The following VWA3A variants were observed in gnomAD, a reference collection of about 807,000 sequenced individuals.
VWA3A encodes the protein von Willebrand factor A domain-containing protein 3A.
In VWA3A, 134 loss-of-function variants were observed where a neutral mutation model predicts 160.4. The observed-to-expected ratio is 0.84, with a 90% CI of 0.73 to 0.96. The LOEUF is 0.96. VWA3A is among the 40% of genes least tolerant of loss of function. The probability of loss-of-function intolerance (pLI) is 0.00; values close to 1 mark genes in which losing one functional copy is unlikely to be tolerated. For synonymous variants in VWA3A, 476 were observed against 543.4 expected (o/e 0.88, Z 1.72); for missense variants, 1,310 against 1,447.9 (o/e 0.90, Z 1.55).
chr16:22,125,763 C>T (rs2045837277), intron 16 of VWA3A, among the ~76,000 whole-genome samples: 2 of 152,142 alleles, frequency 1.3e-5, no homozygotes, highest in Non-Finnish European at 2.9e-5. Flanking sequence ...ATGAGTCTTA[C>T]AAGTAGTTTA....
intron 16 of VWA3A, among the ~76,000 whole-genome samples, chr16:22,125,243 A>T (rs1365712995): frequency 6.6e-6 from 1 of 151,350 alleles, no homozygotes; most frequent in East Asian, 2.0e-4. Flanking sequence ...TAAATTAGCC[A>T]GGCATGGTGA....
intron 31 of VWA3A, 126 bp from the exon 32 acceptor site, chr16:22,155,441 G>A (rs910765055): frequency 2.5e-6 from 2 of 791,378 alleles, no homozygotes; most frequent in East Asian, 4.9e-5. Context: ...TACAAGCAGA[G>A]GCTCACAAGA....
chr16:22,123,207 A>T lies in VWA3A; in HGVS notation c.1437+42A>T, dbSNP rs745875322. 4.5e-6 allele frequency: 7 copies of T among 1,548,474 alleles called. No homozygotes were observed. In the African/African-American group the frequency reaches 9.5e-5, roughly 21 times the overall value. On this transcript the variant is annotated intron_variant, in intron 15 of 33. Coordinates refer to ENST00000389398, the MANE Select transcript of VWA3A (RefSeq NM_173615.5). ...ATCAGTCAGAAAATGGGGTGCAGAA[A>T]GTGGGGACGGGAGGAAGGTTCCCTG...
chr16:22,153,102 T>C (rs1199761952), intron 31 of VWA3A, among the ~76,000 whole-genome samples: 1 of 152,154 alleles, frequency 6.6e-6, no homozygotes, highest in Non-Finnish European at 1.5e-5. Flanking sequence ...TCCCATCACT[T>C]TGGGAGGCCG....
In VWA3A at chr16:22,100,336, C is replaced by T. The variant is rs2045388990; in HGVS notation, c.350+18C>T. On this transcript the variant is annotated intron_variant, in intron 4 of 33. Coordinates refer to ENST00000389398, the MANE Select transcript of VWA3A (RefSeq NM_173615.5). ...GAAGTGCTGTAAGTCTGAAGCTGTT[C>T]CCCGCACCCCCCACAGCTGCAGTGA... is the stretch of plus-strand genomic sequence containing the variant. 6.4e-7 allele frequency: 1 copy of T among 1,551,574 alleles called. No individual in the cohort carries two copies. Among genetic ancestry groups the T allele is most frequent in the Non-Finnish European group, 8.7e-7 (1 of 1,146,960 alleles).
chr16:22,116,570 C>T (rs2045652315), intron 9 of VWA3A, among the ~76,000 whole-genome samples, 189 bp from the exon 10 acceptor site: 2 of 152,338 alleles, frequency 1.3e-5, no homozygotes, highest in East Asian at 1.9e-4. Context: ...GCCACCCACC[C>T]ATCTGCAGAG....
At position 22,126,164 on chromosome 16, in the gene VWA3A, G is replaced by C. The variant is rs150018505; in HGVS notation, c.1533-14G>C. ...AGATTCGGTTCTCCTCTTAAAGCTC[G>C]TGTTTCCTTTTAGGGTGGTTGTACT... On this transcript the variant is annotated splice_polypyrimidine_tract_variant and intron_variant, in intron 16 of 33. Transcript: ENST00000389398. 1.2e-6 allele frequency: 2 copies of C among 1,612,950 alleles called. No individual in the cohort carries two copies. Among genetic ancestry groups the C allele is most frequent in the Admixed American group, 3.3e-5 (2 of 59,808 alleles).
At chr16:22,115,741 G>A (rs553241081) in intron 9 of VWA3A, among the ~76,000 whole-genome samples, 4 of 151,134 alleles carry the variant, frequency 2.6e-5, no homozygotes, top group Admixed American at 6.6e-5. Flanking sequence ...GGAGGCTGAG[G>A]CAGGAGGATT....
intron 9 of VWA3A, 28 bp downstream of exon 9, chr16:22,115,500 A>AT: frequency 6.3e-7 from 1 of 1,582,458 alleles, no homozygotes; most frequent in Non-Finnish European, 8.6e-7. Flanking sequence ...AGCAGGTGAC[A>AT]TACTACATGA....
At chr16:22,125,283 A>G (rs1288879166) in intron 16 of VWA3A, among the ~76,000 whole-genome samples, 2 of 151,684 alleles carry the variant, frequency 1.3e-5, no homozygotes, top group African/African-American at 4.8e-5. Context: ...CAACTTGGGA[A>G]GCTGAGGCAG....
At chr16:22,116,988 T>C (rs1452898253) in intron 10 of VWA3A, 121 bp downstream of exon 10, 2 of 1,420,016 alleles carry the variant, frequency 1.4e-6, no homozygotes, top group Non-Finnish European at 1.9e-6. Flanking sequence ...CCTGTCCCTG[T>C]GCCTGGTTCT....
At chr16:22,148,552 C>G (rs577890960) in intron 28 of VWA3A, among the ~76,000 whole-genome samples, 13 of 152,308 alleles carry the variant, frequency 8.5e-5, no homozygotes, top group African/African-American at 3.1e-4. Context: ...AGGAGGATCA[C>G]TTGAGCTCAG....
chr16:22,146,784 G>T (rs1481748136), intron 27 of VWA3A, among the ~76,000 whole-genome samples: 1 of 151,186 alleles, frequency 6.6e-6, no homozygotes, highest in Non-Finnish European at 1.5e-5. Flanking sequence ...AAAAAAAAAT[G>T]ACAGTGGGTT....
At chr16:22,118,340 A>G (rs2045678567) in intron 11 of VWA3A, among the ~76,000 whole-genome samples, 6 of 152,140 alleles carry the variant, frequency 3.9e-5, no homozygotes, top group Admixed American at 3.9e-4. Flanking sequence ...TAGTGCGTGT[A>G]AAGTGTTTCT....
chr16:22,150,924 A>C lies in VWA3A; in HGVS notation c.3281+78A>C, dbSNP rs1001604250. 1.4e-5 allele frequency: 21 copies of C among 1,477,012 alleles called. No homozygotes were observed. In the East Asian group the frequency reaches 5.2e-4, roughly 36 times the overall value. The allele number at this position is 1,477,012 out of a possible 1,614,324, so 91.5% of individuals were successfully genotyped here. On this transcript the variant is annotated intron_variant, in intron 30 of 33. Transcript: ENST00000389398. ...CTCAGCAGGGAGATCCAAGCCCCTC[A>C]CCTAATCTAGCTGCTCACTTAGACA...
At chr16:22,100,844 A>G (rs1172756843) in intron 5 of VWA3A, among the ~76,000 whole-genome samples, 2 of 149,424 alleles carry the variant, frequency 1.3e-5, no homozygotes, top group Non-Finnish European at 3.0e-5. Context: ...TCTGTCTCAA[A>G]AAAAAAAAAA....
intron 21 of VWA3A, among the ~76,000 whole-genome samples, chr16:22,137,054 A>C (rs949734838): frequency 6.6e-6 from 1 of 151,294 alleles, no homozygotes; most frequent in Non-Finnish European, 1.5e-5. Flanking sequence ...GCCTGGCAAC[A>C]GAGTAAGACT....
rs371603505 is a variant in VWA3A, at chr16:22,144,346, G to A, written c.2692G>A (p.Ala898Thr). 151 of 1,613,702 alleles carry A rather than the reference G, an allele frequency of 9.4e-5. No homozygotes were observed. Among genetic ancestry groups the A allele is most frequent in the Middle Eastern group, 1.6e-4 (1 of 6,080 alleles). Residue 898 changes from alanine to threonine, a missense_variant, in exon 26 of 34, where the codon GCC (alanine) becomes ACC (threonine). Coordinates refer to ENST00000389398, the MANE Select transcript of VWA3A (RefSeq NM_173615.5). ...AAAGTCAGGACAGAGGTCAGCATCC[G>A]CCAAACACTGCAGCATCTTCCCCAG... ...HQKSGQRSAS[A>T]KHCSIFPSVE...
intron 21 of VWA3A, among the ~76,000 whole-genome samples, chr16:22,136,691 C>T (rs1035942765): frequency 2.0e-5 from 3 of 152,086 alleles, no homozygotes; most frequent in Non-Finnish European, 2.9e-5. Context: ...GCTCCCCCTG[C>T]GTGCCTGTGC....
Sources: gnomAD v4.1 joint callset for allele counts (sites outside exome capture counted in the v4.1 genomes callset) on GRCh38, gnomAD v4.1.1 for gene constraint, MANE v1.5 for transcripts, NCBI Gene and HGNC (gene_info 2026-07-23, HGNC 2026-07-21) for gene names.